CD40LG: variants seen among roughly 807,000 people sequenced by gnomAD.
The protein encoded by CD40LG is CD40 ligand.
Under a neutral mutation model 17.2 loss-of-function variants are expected in CD40LG, and 1 was observed. The ratio of observed to expected loss-of-function variants is 0.06; its 90% CI spans 0.02 to 0.28. The LOEUF (loss-of-function observed/expected upper bound fraction) is 0.28, where lower values mean the gene tolerates loss of function less well. CD40LG is among the 10% of genes least tolerant of loss of function. The pLI is 1.00. For synonymous variants in CD40LG, 66 were observed against 74.4 expected (o/e 0.89, Z 0.58); for missense variants, 133 against 193.2 (o/e 0.69, Z 1.85).
intron 4 of CD40LG, among the ~76,000 whole-genome samples, chrX:136,658,032 G>A (rs1299571996): frequency 9.0e-6 from 1 of 111,715 alleles, no homozygotes; most frequent in Non-Finnish European, 1.9e-5. Context: ...GTTCAAAAGG[G>A]CAAACATTCT....
intron 4 of CD40LG, among the ~76,000 whole-genome samples, chrX:136,656,865 A>C (rs2148553083): frequency 8.9e-6 from 1 of 112,211 alleles, no homozygotes; most frequent in South Asian, 3.7e-4. Context: ...CAGGGAAAGT[A>C]AAGGTAAAAT....
intron 4 of CD40LG, 75 bp from the exon 5 acceptor site, chrX:136,658,964 A>C (rs2076126409): frequency 1.8e-6 from 2 of 1,102,371 alleles, no homozygotes; most frequent in Non-Finnish European, 2.5e-6. Flanking sequence ...ATCCAACATT[A>C]AACTATATTT....
Position 136,648,168 on chromosome X carries a change from A to G in CD40LG, c.-81A>G. 1.4e-6 allele frequency: 1 copy of G among 715,001 alleles called. No individual in the cohort carries two copies. The highest frequency in any genetic ancestry group is 2.2e-5 in the Admixed American group (1 of 45,239). The allele number at this position is 715,001 out of a possible 1,213,427, so 58.9% of individuals were successfully genotyped here. A position where few individuals can be genotyped will look rare whatever the true frequency, so the allele number is the denominator to read the frequency against. ...TGTGCGCTCTTAACTAATCCTGAGT[A>G]AGGTGGCCACTTTGACAGTCTTCTC... On this transcript the variant is annotated 5_prime_UTR_variant, in exon 1 of 5. Transcript: ENST00000370629.
chrX:136,651,947 G>A (rs2076104926), intron 2 of CD40LG, among the ~76,000 whole-genome samples: 1 of 111,353 alleles, frequency 9.0e-6, no homozygotes. Context: ...TTTTACGGTT[G>A]AATTGTCAAT....
At chrX:136,655,718 C>T (rs982504811) in intron 3 of CD40LG, among the ~76,000 whole-genome samples, 3 of 111,991 alleles carry the variant, frequency 2.7e-5, no homozygotes, top group African/African-American at 9.7e-5. Context: ...TCTGAGGAAA[C>T]AGTTTATGTA....
At position 136,660,105 on chromosome X, in the gene CD40LG, A is replaced by AACACACACACACACACACACAC. The variant is rs56074249; in HGVS notation, c.*722_*743dup. 2.6e-5 allele frequency: 1 copy of AACACACACACACACACACACAC among 37,987 alleles called. No homozygotes were observed. Among genetic ancestry groups the AACACACACACACACACACACAC allele is most frequent in the African/African-American group, 9.0e-5 (1 of 11,077 alleles). The allele number at this position is 37,987 out of a possible 1,213,427, so 3.1% of individuals were successfully genotyped here. A position where few individuals can be genotyped will look rare whatever the true frequency, so the allele number is the denominator to read the frequency against. On this transcript the variant is annotated 3_prime_UTR_variant, in exon 5 of 5. Coordinates refer to ENST00000370629, the MANE Select transcript of CD40LG (RefSeq NM_000074.3). ...GTCTCTCTTCTCAATCCCCCTTTCT[A>AACACACACACACACACACACAC]ACACACACACACACACACACACACA...
At chrX:136,655,488 AC>A (rs2076116511) in intron 3 of CD40LG, among the ~76,000 whole-genome samples, 1 of 112,351 alleles carries the variant, frequency 8.9e-6, no homozygotes, top group African/African-American at 3.2e-5. Context: ...AAGTTGGTGA[AC>A]ATGATGTTAT....
chrX:136,653,041 GT>G (rs1284479738), intron 2 of CD40LG, among the ~76,000 whole-genome samples: 1 of 111,896 alleles, frequency 8.9e-6, no homozygotes, highest in Non-Finnish European at 1.9e-5. Context: ...CTGACTTCAT[GT>G]TTTCATCTTG....
intron 2 of CD40LG, among the ~76,000 whole-genome samples, chrX:136,653,199 C>T (rs976584187): frequency 3.4e-4 from 38 of 112,299 alleles, no homozygotes; most frequent in African/African-American, 1.0e-3. Flanking sequence ...TTCATAGTGC[C>T]GCGCTTCAGC....
intron 2 of CD40LG, among the ~76,000 whole-genome samples, chrX:136,653,364 A>G (rs1243424497): frequency 8.9e-6 from 1 of 112,525 alleles, no homozygotes; most frequent in African/African-American, 3.2e-5. Context: ...TGGAGGAGGA[A>G]ATAAAAGGAA....
Position 136,660,109 on chromosome X carries a change from C to CACACACATAA in CD40LG, c.*701_*702insTAAACACACA, listed in dbSNP as rs773166865. ...CTCTTCTCAATCCCCCTTTCTAACA[C>CACACACATAA]ACACACACACACACACACACACACA... On this transcript the variant is annotated 3_prime_UTR_variant, in exon 5 of 5. Coordinates refer to ENST00000370629, the MANE Select transcript of CD40LG (RefSeq NM_000074.3). 0.043 allele frequency: 2,371 copies of CACACACATAA among 54,736 alleles called. 140 individuals are homozygous for CACACACATAA. The highest frequency in any genetic ancestry group is 0.22 in the African/African-American group (2,174 of 10,020). The allele number at this position is 54,736 out of a possible 1,213,427, so 4.5% of individuals were successfully genotyped here.
intron 3 of CD40LG, 43 bp downstream of exon 3, chrX:136,654,473 A>G (rs1569376947): frequency 1.0e-6 from 1 of 972,666 alleles, no homozygotes; most frequent in Admixed American, 2.2e-5. Context: ...CCTAAAAACT[A>G]AAAGGAAGCT....
At position 136,658,737 on chromosome X, in the gene CD40LG, GAGAA is replaced by G. The variant is rs2076125723; in HGVS notation, c.410-296_410-293del. Among the ~76,000 whole-genome samples the G allele has an allele frequency of 3.6e-5, 4 of 112,005 alleles. No homozygotes were observed. The South Asian group carries it at 1.1e-3, about 31-fold the overall frequency. ...AAATTGGCTATAAGAACTCTAACGA[GAGAA>G]AGAAACTCACTGTGATCTCTTACTT... On this transcript the variant is annotated intron_variant, in intron 4 of 4. Coordinates refer to ENST00000370629, the MANE Select transcript of CD40LG (RefSeq NM_000074.3).
chrX:136,652,684 G>A (rs1390093591), intron 2 of CD40LG, among the ~76,000 whole-genome samples: 1 of 111,335 alleles, frequency 9.0e-6, no homozygotes, highest in Admixed American at 9.6e-5. Context: ...TCAAGTGAGG[G>A]TAAGCAGAGG....
chrX:136,652,634 C>A (rs1274772646), intron 2 of CD40LG, among the ~76,000 whole-genome samples: 1 of 111,342 alleles, frequency 9.0e-6, no homozygotes, highest in African/African-American at 3.3e-5. Context: ...AGGCAGGTAG[C>A]ACTAATCTGT....
In CD40LG at chrX:136,656,403, A is replaced by C. The variant is rs770773481; in HGVS notation, c.394A>C (p.Ser132Arg). The C allele has an allele frequency of 1.2e-5, 14 of 1,206,889 alleles. No homozygotes were observed. The highest frequency in any genetic ancestry group is 1.8e-5 in the African/African-American group (1 of 57,040). The change falls in exon 4 of 5, where the codon AGT (serine) becomes CGT (arginine). Residue 132 changes from serine to arginine, a missense_variant. Transcript: ENST00000370629. ...IAAHVISEAS[S>R]KTTSVLQWAE... ...GGCACATGTCATAAGTGAGGCCAGC[A>C]GTAAAACAACATCTGGTAAGTCACA... is the stretch of plus-strand genomic sequence containing the variant.
intron 3 of CD40LG, 48 bp from the exon 4 acceptor site, chrX:136,656,308 G>C (rs1170106455): frequency 1.0e-6 from 1 of 988,987 alleles, no homozygotes; most frequent in Admixed American, 2.2e-5. Context: ...TAGTTTTGTG[G>C]GCAGTTTTTG....
chrX:136,651,023 C>T (rs1347413609), intron 2 of CD40LG, among the ~76,000 whole-genome samples: 1 of 111,622 alleles, frequency 9.0e-6, no homozygotes, highest in Admixed American at 9.5e-5. Flanking sequence ...CGGTCATGAC[C>T]AGAGGCACAG....
chrX:136,658,327 C>T (rs1323658507), intron 4 of CD40LG, among the ~76,000 whole-genome samples: 4 of 111,822 alleles, frequency 3.6e-5, no homozygotes, highest in African/African-American at 1.3e-4. Context: ...ACATCTCAGC[C>T]GAGAAAATGG....
Sources: allele counts gnomAD v4.1 joint callset (sites outside exome capture counted in the v4.1 genomes callset), GRCh38; gene constraint gnomAD v4.1.1; transcripts MANE v1.5; gene names NCBI Gene and HGNC (gene_info 2026-07-23, HGNC 2026-07-21).